The following TAOK3 variants were observed in gnomAD, a reference collection of about 807,000 sequenced individuals.
TAOK3 encodes serine/threonine-protein kinase TAO3.
A neutral mutation model predicts 120.4 loss-of-function variants in TAOK3; 40 were observed. The ratio of observed to expected loss-of-function variants is 0.33; its 90% confidence interval spans 0.26 to 0.43. The LOEUF is 0.43. TAOK3 is among the 20% of genes least tolerant of loss of function. The pLI, the probability that TAOK3 is intolerant of heterozygous loss-of-function variation, is 1.00. For synonymous variants in TAOK3, 355 were observed against 387.5 expected (o/e 0.92, Z 0.99); for missense variants, 821 against 1,112.1 (o/e 0.74, Z 3.72).
intron 3 of TAOK3, chr12:118,246,417 G>C: frequency 3.4e-6 from 5 of 1,471,634 alleles, no homozygotes; most frequent in Non-Finnish European, 4.7e-6. Context: ...GATTATGCCA[G>C]TGCAGAAGCA....
intron 1 of TAOK3, among the ~76,000 whole-genome samples, chr12:118,300,489 T>A (rs75015547): frequency 0.033 from 4,965 of 152,180 alleles, 283 homozygotes; most frequent in East Asian, 0.25. Context: ...ATTAGCATAG[T>A]CAAGAAAGCT....
chr12:118,150,930 G>C lies in TAOK3; in HGVS notation c.*67C>G. On this transcript the variant is annotated 3_prime_UTR_variant, in exon 21 of 21. Transcript: ENST00000392533. ...CCGTTAAAATGGGGAATGTGGTTTT[G>C]CAGGGTCTGAATTTTTTTCTGTTTT... 2 of 1,463,582 alleles carry C rather than the reference G, an allele frequency of 1.4e-6. No individual in the cohort carries two copies. Among genetic ancestry groups the C allele is most frequent in the Non-Finnish European group, 1.8e-6 (2 of 1,091,068 alleles). The allele number at this position is 1,463,582 out of a possible 1,614,324, so 90.7% of individuals were successfully genotyped here.
chr12:118,243,568 G>A, intron 4 of TAOK3, 52 bp from the exon 5 acceptor site: 2 of 713,340 alleles, frequency 2.8e-6, no homozygotes, highest in Non-Finnish European at 4.4e-6. Context: ...TAGGAAAATA[G>A]TATTTCCTAT....
rs191162292 is a variant in TAOK3, at chr12:118,368,560, C to T, written c.-194+4088G>A. ...GTGGCTCACGCCTGTAATCCCAGCA[C>T]TTAGAGAAGCTGAGGTGGGTGGATC... On this transcript the variant is annotated intron_variant, in intron 1 of 20. Transcript: ENST00000392533. Among the ~76,000 whole-genome samples, 1,442 of 148,854 alleles carry T rather than the reference C, an allele frequency of 9.7e-3. 9 individuals are homozygous for T. The highest frequency in any genetic ancestry group is 0.014 in the Middle Eastern group (4 of 290).
chr12:118,213,150 C>T (rs894803936), intron 10 of TAOK3, among the ~76,000 whole-genome samples, 155 bp from the exon 11 acceptor site: 3 of 152,086 alleles, frequency 2.0e-5, no homozygotes, highest in African/African-American at 4.8e-5. Flanking sequence ...TTTCAAGTTA[C>T]GATATCTAAA....
At chr12:118,220,009 C>T (rs372994257) in intron 9 of TAOK3, among the ~76,000 whole-genome samples, 19 of 151,178 alleles carry the variant, frequency 1.3e-4, no homozygotes, top group African/African-American at 4.4e-4. Flanking sequence ...TCACTCAAGC[C>T]ATCCTTCTAC....
At chr12:118,296,745 C>G (rs2042695222) in intron 1 of TAOK3, among the ~76,000 whole-genome samples, 1 of 152,140 alleles carries the variant, frequency 6.6e-6, no homozygotes, top group Admixed American at 6.5e-5. Context: ...AAAAAAGAAT[C>G]AATATTTCAA....
In TAOK3 at chr12:118,201,425, G is replaced by A; in HGVS notation, c.858C>T (p.Leu286=). ...FVRRDRPLRV[L]IDLIQRTKDA... Reference sequence around the variant, plus strand: ...CTTTTGTCCTCTGTATGAGGTCAATGAGGACACGTAGTGGCCGGTCTCGTC... The same window carrying A: ...CTTTTGTCCTCTGTATGAGGTCAATAAGGACACGTAGTGGCCGGTCTCGTC... Residue 286 remains leucine, a synonymous_variant, in exon 12 of 21, where the codon CTC becomes CTT. Coordinates refer to ENST00000392533, the MANE Select transcript of TAOK3 (RefSeq NM_016281.4). The A allele has an allele frequency of 6.2e-7, 1 of 1,613,992 alleles. No homozygotes were observed. Among genetic ancestry groups the A allele is most frequent in the Non-Finnish European group, 8.5e-7 (1 of 1,179,920 alleles).
At chr12:118,194,160 G>T (rs776288760) in intron 13 of TAOK3, among the ~76,000 whole-genome samples, 1 of 152,156 alleles carries the variant, frequency 6.6e-6, no homozygotes, top group African/African-American at 2.4e-5. Flanking sequence ...GCGGGGGGAT[G>T]TATCTAAAAA....
intron 15 of TAOK3, among the ~76,000 whole-genome samples, chr12:118,178,176 G>T (rs1269355828): frequency 6.6e-6 from 1 of 152,148 alleles, no homozygotes; most frequent in East Asian, 1.9e-4. Flanking sequence ...CATCTCAAAT[G>T]CTTGGCCTCA....
chr12:118,201,783 CATA>C (rs1044656144), intron 11 of TAOK3, among the ~76,000 whole-genome samples: 4 of 152,028 alleles, frequency 2.6e-5, no homozygotes, highest in African/African-American at 9.7e-5. Flanking sequence ...AGCAAATTAA[CATA>C]TCTATTATCT....
At position 118,166,738 on chromosome 12, in the gene TAOK3, G is replaced by A. The variant is rs78401907; in HGVS notation, c.1900-4711C>T. On this transcript the variant is annotated intron_variant, in intron 17 of 20. Coordinates refer to ENST00000392533, the MANE Select transcript of TAOK3 (RefSeq NM_016281.4). ...TTATACAAATTTAACAAAATGAGCT[G>A]AGCAAAAACTAAAAAATCAGTTTTA... 1.3e-3 allele frequency among the ~76,000 whole-genome samples: 193 copies of A among 151,680 alleles called. 1 individual carries two copies. The Middle Eastern group carries it at 0.014, about 11-fold the overall frequency.
At chr12:118,178,553 G>A (rs1456785568) in intron 15 of TAOK3, among the ~76,000 whole-genome samples, 2 of 151,988 alleles carry the variant, frequency 1.3e-5, no homozygotes, top group Admixed American at 1.3e-4. Flanking sequence ...CACCTCCTGC[G>A]TTCAAGTGAT....
chr12:118,182,624 T>TATATATA (rs371618546), intron 14 of TAOK3, among the ~76,000 whole-genome samples: 177 of 59,056 alleles, frequency 3.0e-3, no homozygotes, highest in African/African-American at 0.012. Context: ...TATATATATA[T>TATATATA]TTTTTTTTTT....
intron 9 of TAOK3, among the ~76,000 whole-genome samples, chr12:118,232,441 G>T (rs981256431): frequency 6.6e-6 from 1 of 152,114 alleles, no homozygotes; most frequent in African/African-American, 2.4e-5. Context: ...TACTTTTTCA[G>T]ATTTCCCTAA....
intron 1 of TAOK3, among the ~76,000 whole-genome samples, chr12:118,308,929 T>C: frequency 2.2e-5 from 1 of 45,674 alleles, no homozygotes; most frequent in African/African-American, 8.6e-5. Context: ...AAACTCTGTC[T>C]CCAAAAAAAA....
intron 9 of TAOK3, among the ~76,000 whole-genome samples, chr12:118,218,657 C>T (rs1272676180): frequency 6.7e-6 from 1 of 150,150 alleles, no homozygotes; most frequent in Non-Finnish European, 1.5e-5. Context: ...AGACTCAACC[C>T]TCCTTTTTTT....
chr12:118,325,166 A>T (rs2043885922), intron 1 of TAOK3, among the ~76,000 whole-genome samples: 1 of 152,194 alleles, frequency 6.6e-6, no homozygotes, highest in Non-Finnish European at 1.5e-5. Flanking sequence ...GGCTATTGTG[A>T]ATAGTGCTGC....
intron 1 of TAOK3, among the ~76,000 whole-genome samples, chr12:118,351,392 C>T (rs149509988): frequency 1.3e-5 from 2 of 152,182 alleles, no homozygotes; most frequent in African/African-American, 4.8e-5. Context: ...TAGTCCAAGG[C>T]CTGACCCGAG....
Sources: gnomAD v4.1 joint callset for allele counts (sites outside exome capture counted in the v4.1 genomes callset) on GRCh38, gnomAD v4.1.1 for gene constraint, MANE v1.5 for transcripts, NCBI Gene and HGNC (gene_info 2026-07-23, HGNC 2026-07-21) for gene names.